Variants in RBM24 observed in about 807,000 individuals in gnomAD.
RBM24 encodes the protein RNA-binding protein 24.
A neutral mutation model predicts 23.6 loss-of-function variants in RBM24; 5 were observed. The observed-to-expected ratio is 0.21, with a 90% confidence interval of 0.11 to 0.45. RBM24 has a LOEUF of 0.45. Among genes scored for constraint, RBM24 ranks in the 20% least tolerant of loss-of-function variants. The pLI is 0.99. For synonymous variants in RBM24, 151 were observed against 129.5 expected, an observed-to-expected ratio of 1.17 and a Z score of -1.13; for missense variants, 252 against 314.6, an observed-to-expected ratio of 0.80 and a Z score of 1.51.
intron 3 of RBM24, among the ~76,000 whole-genome samples, chr6:17,291,277 G>A (rs1427583937): frequency 2.6e-5 from 4 of 152,044 alleles, no homozygotes; most frequent in African/African-American, 4.8e-5. Context: ...TGTTAATTTC[G>A]ACAAACTGGT....
At chr6:17,282,608 GCCCCCCCCCC>G in intron 1 of RBM24, 187 bp from the exon 2 acceptor site, 1 of 169,530 alleles carries the variant, frequency 5.9e-6, no homozygotes, top group South Asian at 5.4e-5. Context: ...TCGTCTACCC[GCCCCCCCCCC>G]CCACGCCCCC....
At chr6:17,288,741 A>G (rs1760269114) in intron 3 of RBM24, 1 of 978,110 alleles carries the variant, frequency 1.0e-6, no homozygotes, top group Non-Finnish European at 1.2e-6. Flanking sequence ...TTGTCCAGGA[A>G]ACATAAAGGA....
chr6:17,284,300 C>T (rs1290320122), intron 2 of RBM24, among the ~76,000 whole-genome samples: 2 of 152,120 alleles, frequency 1.3e-5, no homozygotes, highest in African/African-American at 4.8e-5. Flanking sequence ...ATTACAAAGA[C>T]TTTTCATAGA....
rs1451496081 is a variant in RBM24, at chr6:17,281,571, C to CGG, written c.-9_-8dup. The CGG allele has an allele frequency of 2.3e-5, 35 of 1,490,894 alleles. No homozygotes were observed. In the South Asian group the frequency reaches 3.7e-4, roughly 16 times the overall value. The allele number at this position is 1,490,894 out of a possible 1,614,324, so 92.4% of individuals were successfully genotyped here. On this transcript the variant is annotated 5_prime_UTR_variant, in exon 1 of 4. Transcript: ENST00000379052. The surrounding 1 kb of genome is among the most constrained non-coding windows in gnomAD (Gnocchi z 7.1). Reference sequence around the variant, plus strand: ...CGCAGCCGGAGCCCGAGCCGCGGGGCGGGTGCGAAGATGCACACGACCCAG... The same window carrying CGG: ...CGCAGCCGGAGCCCGAGCCGCGGGGCGGGGGTGCGAAGATGCACACGACCCAG...
At chr6:17,290,098 G>T (rs1435921776) in intron 3 of RBM24, 14 of 1,288,540 alleles carry the variant, frequency 1.1e-5, no homozygotes, top group Non-Finnish European at 1.4e-5. Flanking sequence ...TATCATTGGG[G>T]CCAAAGTCCA....
Position 17,292,245 on chromosome 6 carries a change from A to C in RBM24, c.*126A>C. The C allele has an allele frequency of 1.1e-6, 1 of 925,432 alleles. No homozygotes were observed. 57.3% of individuals were successfully genotyped at this position (925,432 alleles called of 1,614,324 possible). On this transcript the variant is annotated 3_prime_UTR_variant, in exon 4 of 4. Coordinates refer to ENST00000379052, the MANE Select transcript of RBM24 (RefSeq NM_001143942.2). ...AAAAAAAAACAGCCATGCTATTGTG[A>C]AGCAGAGTTATTATTTTTTTTATAC...
chr6:17,289,345 G>C (rs1760287587), intron 3 of RBM24: 2 of 985,322 alleles, frequency 2.0e-6, no homozygotes, highest in Non-Finnish European at 2.4e-6. Context: ...TTCCCTCTAA[G>C]CCTTAAAATG....
chr6:17,284,540 A>T (rs1462633156), intron 2 of RBM24, 117 bp from the exon 3 acceptor site: 3 of 722,186 alleles, frequency 4.2e-6, no homozygotes, highest in Non-Finnish European at 4.6e-6. Flanking sequence ...TAGTTTCTTT[A>T]AAGTGGCGAA....
In RBM24 at chr6:17,281,522, C is replaced by T. The variant is rs1327093105; in HGVS notation, c.-60C>T. 7.8e-6 allele frequency: 11 copies of T among 1,418,156 alleles called. No homozygotes were observed. Among genetic ancestry groups the T allele is most frequent in the Non-Finnish European group, 9.2e-6 (10 of 1,083,876 alleles). 87.8% of individuals were successfully genotyped at this position (1,418,156 alleles called of 1,614,324 possible). Reference sequence around the variant, plus strand: ...GGAGACGCGGAGCCGGAGGAGGAGGCGCAGCCGCTGCCCGAGCCGCAGCCG... The same window carrying T: ...GGAGACGCGGAGCCGGAGGAGGAGGTGCAGCCGCTGCCCGAGCCGCAGCCG... On this transcript the variant is annotated 5_prime_UTR_variant, in exon 1 of 4. Coordinates refer to ENST00000379052, the MANE Select transcript of RBM24 (RefSeq NM_001143942.2). The surrounding 1 kb of genome is among the most constrained non-coding windows in gnomAD (Gnocchi z 7.1).
intron 1 of RBM24, chr6:17,282,404 G>C (rs944965649): frequency 1.7e-6 from 1 of 579,086 alleles, no homozygotes; most frequent in Non-Finnish European, 3.0e-6. Context: ...CGGATGTAAG[G>C]CTGGACTTTC....
chr6:17,281,405 G>A lies in RBM24; in HGVS notation c.-177G>A, dbSNP rs1760008300. 2 of 189,492 alleles carry A rather than the reference G, an allele frequency of 1.1e-5. No individual in the cohort carries two copies. Among genetic ancestry groups the A allele is most frequent in the Non-Finnish European group, 1.9e-5 (2 of 103,918 alleles). 11.7% of individuals were successfully genotyped at this position (189,492 alleles called of 1,614,324 possible). ...CGACTTCGGAAGCCGCGCGCCCGGC[G>A]CTCTCGGCCGCCCCCGGCCGCTCGC... is the stretch of plus-strand genomic sequence containing the variant. On this transcript the variant is annotated 5_prime_UTR_variant, in exon 1 of 4. Transcript: ENST00000379052. The surrounding 1 kb of genome is among the most constrained non-coding windows in gnomAD (Gnocchi z 7.1).
intron 3 of RBM24, among the ~76,000 whole-genome samples, chr6:17,291,186 A>C (rs2113412006): frequency 6.6e-6 from 1 of 152,244 alleles, no homozygotes; most frequent in South Asian, 2.1e-4. Context: ...GGTTGCAGAG[A>C]GATTAATGTG....
rs893482997 is a variant in RBM24 at position 17,291,920 on chromosome 6, C to T, written c.512C>T (p.Ala171Val). 3 of 1,613,608 alleles carry T rather than the reference C, an allele frequency of 1.9e-6. No homozygotes were observed. Among genetic ancestry groups the T allele is most frequent in the African/African-American group, 1.3e-5 (1 of 75,018 alleles). ...SAAAAAAAAA[A>V]AYDQYPYAAS... ...GCTGCTGCTGCTGCCGCCGCCGCTG[C>T]TGCCTATGACCAGTACCCCTATGCA... Residue 171 changes from alanine to valine, a missense_variant, in exon 4 of 4, where the codon GCT becomes GTT. Ala to Val is a moderately conservative substitution (Grantham distance 64). Transcript: ENST00000379052.
chr6:17,285,986 G>A (rs1477071356), intron 3 of RBM24, among the ~76,000 whole-genome samples: 2 of 151,990 alleles, frequency 1.3e-5, no homozygotes, highest in African/African-American at 4.8e-5. Context: ...CTCTAGCTTA[G>A]GACCTAAAAC....
intron 3 of RBM24, chr6:17,288,939 G>A (rs1760274720): frequency 1.0e-6 from 1 of 985,458 alleles, no homozygotes; most frequent in South Asian, 4.7e-5. Context: ...ATCAGTTGCT[G>A]TGAGATAGAT....
intron 3 of RBM24, chr6:17,289,762 C>A (rs927203476): frequency 9.4e-7 from 1 of 1,066,172 alleles, no homozygotes; most frequent in Non-Finnish European, 1.1e-6. Context: ...AAACCCTTGT[C>A]GCATGACAGG....
chr6:17,285,578 G>T (rs1324237086), intron 3 of RBM24, among the ~76,000 whole-genome samples: 1 of 152,164 alleles, frequency 6.6e-6, no homozygotes, highest in African/African-American at 2.4e-5. Flanking sequence ...TGGGAATGGG[G>T]TTCTTTCTTT....
At position 17,292,048 on chromosome 6, in the gene RBM24, G is replaced by A. The variant is rs759993371; in HGVS notation, c.640G>A (p.Ala214Thr). The change falls in exon 4 of 4, where the codon GCA becomes ACA. Residue 214 changes from alanine (A) to threonine (T), a missense_variant. Physicochemically the swap from Ala to Thr is moderately conservative, Grantham distance 58. Coordinates refer to ENST00000379052, the MANE Select transcript of RBM24 (RefSeq NM_001143942.2). ...ACCTGGGACAGCTGCCGCCGCCGCTGCAGCAGCTGCTGCCGCTGCAGCATT... is the reference window on the plus strand; with the variant it reads ...ACCTGGGACAGCTGCCGCCGCCGCTACAGCAGCTGCTGCCGCTGCAGCATT... ...AAPGTAAAAAAAAAAAAAFGQ... is the reference protein window; with the variant it reads ...AAPGTAAAAATAAAAAAAFGQ... The A allele has an allele frequency of 1.6e-5, 26 of 1,594,960 alleles. No homozygotes were observed. The African/African-American group carries it at 2.9e-4, about 18-fold the overall frequency.
rs1760412786 is a variant in RBM24 at position 17,292,835 on chromosome 6, A to G, written c.*716A>G. ...ACACACACAGTTCTGGAAAGAACAC[A>G]TCACTTGTGCTTGTTTGATGAGCTT... On this transcript the variant is annotated 3_prime_UTR_variant, in exon 4 of 4. Coordinates refer to ENST00000379052, the MANE Select transcript of RBM24 (RefSeq NM_001143942.2). 1 of 152,670 alleles carries G rather than the reference A, an allele frequency of 6.6e-6. No individual in the cohort carries two copies. Among genetic ancestry groups the G allele is most frequent in the African/African-American group, 2.4e-5 (1 of 41,452 alleles). 9.5% of individuals were successfully genotyped at this position (152,670 alleles called of 1,614,324 possible). A position where few individuals can be genotyped will look rare whatever the true frequency, so the allele number is the denominator to read the frequency against.
Sources: allele counts gnomAD v4.1 joint callset (sites outside exome capture counted in the v4.1 genomes callset), GRCh38; gene constraint gnomAD v4.1.1; non-coding constraint Gnocchi (gnomAD v3.1); transcripts MANE v1.5; gene names NCBI Gene and HGNC (gene_info 2026-07-23, HGNC 2026-07-21).